Variants in PNKP observed in about 807,000 individuals in gnomAD.
The protein encoded by PNKP is bifunctional polynucleotide phosphatase/kinase.
PNKP carries 82 observed loss-of-function variants against 66.2 expected under a neutral mutation model. That is an observed-to-expected ratio of 1.24 (90% CI 1.04 to 1.49). The LOEUF is 1.49. Among genes scored for constraint, PNKP ranks in the 40% most tolerant of loss-of-function variants. The pLI, the probability that PNKP is intolerant of heterozygous loss-of-function variation, is 0.00. For synonymous variants in PNKP, 412 were observed against 298.9 expected (o/e 1.38, Z -3.90); for missense variants, 907 against 706.8 (o/e 1.28, Z -3.21).
chr19:49,865,601 CTTTTTTTTTTTT>C (rs749242089), intron 3 of PNKP, 175 bp from the exon 4 acceptor site: 31 of 318,506 alleles, frequency 9.7e-5, no homozygotes, highest in East Asian at 1.2e-4. Context: ...TTGTCCGAAT[CTTTTTTTTTTTT>C]TTTTTTTTTT....
In PNKP at chr19:49,863,771, G is replaced by C; in HGVS notation, c.745-11C>G. The C allele has an allele frequency of 6.4e-7, 1 of 1,556,422 alleles. No individual in the cohort carries two copies. The highest frequency in any genetic ancestry group is 8.7e-7 in the Non-Finnish European group (1 of 1,149,268). On this transcript the variant is annotated splice_polypyrimidine_tract_variant and intron_variant, in intron 7 of 16. Coordinates refer to ENST00000322344, the MANE Select transcript of PNKP (RefSeq NM_007254.4). ...CGTGGCCACCAGCACCTGTGGATGG[G>C]AGGGGGCCACCAGCTTTAGCTCCCC...
chr19:49,863,797 C>A (rs774146240), intron 7 of PNKP, 37 bp from the exon 8 acceptor site: 10 of 1,531,788 alleles, frequency 6.5e-6, no homozygotes, highest in Admixed American at 5.9e-5. Flanking sequence ...TTAGCTCCCC[C>A]TCAAGCACCT....
In PNKP at chr19:49,862,781, C is replaced by T; in HGVS notation, c.817-43G>A. On this transcript the variant is annotated intron_variant, in intron 8 of 16. Coordinates refer to ENST00000322344, the MANE Select transcript of PNKP (RefSeq NM_007254.4). ...GAGGAGGCCCTTCCCACAAATGTCCCCCCGCAGCGGTAGCGGGTCCCTGGG... is the reference window on the plus strand; with the variant it reads ...GAGGAGGCCCTTCCCACAAATGTCCTCCCGCAGCGGTAGCGGGTCCCTGGG... The T allele has an allele frequency of 1.9e-6, 3 of 1,609,526 alleles. No individual in the cohort carries two copies. In the South Asian group the frequency reaches 3.3e-5, roughly 18 times the overall value.
Position 49,865,358 on chromosome 19 carries a change from C to A in PNKP, c.267G>T (p.Val89=), listed in dbSNP as rs531640505. The A allele has an allele frequency of 6.2e-7, 1 of 1,613,666 alleles. No homozygotes were observed. Among genetic ancestry groups the A allele is most frequent in the East Asian group, 2.2e-5 (1 of 44,882 alleles). Residue 89 remains valine, a synonymous_variant, in exon 4 of 17, where the codon GTG becomes GTT. Transcript: ENST00000322344. The stretch of plus-strand genomic sequence containing the variant: ...CATTGACCAAATACAGTGTGTCCCC[C>A]ACCCCCAGAGAGCCCTCCAACCCCG... ...LKPGLEGSLG[V]GDTLYLVNGL...
chr19:49,863,712 TGCCC>T lies in PNKP; in HGVS notation c.789_792del (p.Gly264CysfsTer97). 1 of 1,556,958 alleles carries T rather than the reference TGCCC, an allele frequency of 6.4e-7. No homozygotes were observed. Among genetic ancestry groups the T allele is most frequent in the South Asian group, 1.2e-5 (1 of 84,602 alleles). On this transcript the variant is annotated frameshift_variant, in exon 8 of 17. Transcript: ENST00000322344. LOFTEE classifies it high-confidence loss of function. ...ACCTGCTCCTGCAGATGGTCCCACATGCCCGTCACCGGCTTCCGGTACAAGCCTG... is the reference window on the plus strand; with the variant it reads ...ACCTGCTCCTGCAGATGGTCCCACATGTCACCGGCTTCCGGTACAAGCCTG...
intron 8 of PNKP, among the ~76,000 whole-genome samples, chr19:49,863,306 G>A (rs1235254950): frequency 2.0e-5 from 3 of 152,128 alleles, no homozygotes; most frequent in Admixed American, 1.3e-4. Flanking sequence ...GGTGATGCCT[G>A]CTTTCTCCAG....
At chr19:49,862,826 G>A (rs1459243042) in intron 8 of PNKP, 88 bp from the exon 9 acceptor site, 2 of 1,383,732 alleles carry the variant, frequency 1.4e-6, no homozygotes, top group Non-Finnish European at 2.0e-6. Flanking sequence ...CCTGGTCTGT[G>A]CCCCACATCA....
chr19:49,863,606 G>T lies in PNKP; in HGVS notation c.816+83C>A, dbSNP rs2122332797. The stretch of plus-strand genomic sequence containing the variant: ...CGAGAGAGGACAGAGGAGTAAGGAG[G>T]CCCCAACCGGAGGCCGGGGAGCCCA... On this transcript the variant is annotated intron_variant, in intron 8 of 16. Transcript: ENST00000322344. 7.2e-6 allele frequency: 7 copies of T among 968,802 alleles called. No homozygotes were observed. In the South Asian group the frequency reaches 8.3e-5, roughly 11 times the overall value. 60.0% of individuals were successfully genotyped at this position (968,802 alleles called of 1,614,324 possible).
At chr19:49,865,836 AC>A (rs1390327442) in intron 3 of PNKP, 2 of 214,382 alleles carry the variant, frequency 9.3e-6, no homozygotes, top group Middle Eastern at 3.9e-3. Flanking sequence ...CTGGTCACAA[AC>A]TCCTGATCTC....
chr19:49,863,730 G>T lies in PNKP; in HGVS notation c.775C>A (p.Arg259=), dbSNP rs368301643. The change falls in exon 8 of 17, where the codon CGG becomes AGG. Residue 259 remains arginine (R), a synonymous_variant. Transcript: ENST00000322344. ...VLVATHAGLY[R]KPVTGMWDHL... ...TCCCACATGCCCGTCACCGGCTTCCGGTACAAGCCTGCGTGCGTGGCCACC... is the reference window on the plus strand; with the variant it reads ...TCCCACATGCCCGTCACCGGCTTCCTGTACAAGCCTGCGTGCGTGGCCACC... 1 of 1,559,544 alleles carries T rather than the reference G, an allele frequency of 6.4e-7. No homozygotes were observed. Among genetic ancestry groups the T allele is most frequent in the Non-Finnish European group, 8.7e-7 (1 of 1,151,196 alleles).
In PNKP at chr19:49,865,625, T is replaced by A; in HGVS notation, c.199-199A>T. On this transcript the variant is annotated intron_variant, in intron 3 of 16. Coordinates refer to ENST00000322344, the MANE Select transcript of PNKP (RefSeq NM_007254.4). ...TCTTTTTTTTTTTTTTTTTTTTTTTTCCCCTGGAGATATAGGCTTGTTTTG... is the reference window on the plus strand; with the variant it reads ...TCTTTTTTTTTTTTTTTTTTTTTTTACCCCTGGAGATATAGGCTTGTTTTG... The A allele has an allele frequency of 2.8e-5, 5 of 180,200 alleles. No individual in the cohort carries two copies. The South Asian group carries it at 5.4e-4, about 20-fold the overall frequency. The allele number at this position is 180,200 out of a possible 1,614,324, so 11.2% of individuals were successfully genotyped here. A position where few individuals can be genotyped will look rare whatever the true frequency, so the allele number is the denominator to read the frequency against.
At position 49,864,069 on chromosome 19, in the gene PNKP, C is replaced by A. The variant is rs1041380358; in HGVS notation, c.639G>T (p.Leu213=). ...TGCTCATCTGGTTGGTGAAGATCAC[C>A]AGCTGGGGAGCAAAGGGTGTCACCA... ...LRELEAEGYK[L]VIFTNQMSIG... Residue 213 remains leucine, a splice_region_variant and synonymous_variant, in exon 7 of 17, where the codon CTG becomes CTT. Transcript: ENST00000322344. 3.1e-6 allele frequency: 5 copies of A among 1,613,862 alleles called. No homozygotes were observed. The Admixed American group carries it at 6.7e-5, about 22-fold the overall frequency.
rs766704284 is a variant in PNKP at position 49,863,717 on chromosome 19, G to A, written c.788C>T (p.Thr263Met). ...THAGLYRKPV[T>M]GMWDHLQEQA... ...CTCCTGCAGATGGTCCCACATGCCCGTCACCGGCTTCCGGTACAAGCCTGC... is the reference window on the plus strand; with the variant it reads ...CTCCTGCAGATGGTCCCACATGCCCATCACCGGCTTCCGGTACAAGCCTGC... The change falls in exon 8 of 17, where the codon ACG becomes ATG. Residue 263 changes from threonine to methionine, a missense_variant. By Grantham distance (81) the Thr-to-Met change is moderately conservative. Coordinates refer to ENST00000322344, the MANE Select transcript of PNKP (RefSeq NM_007254.4). 29 of 1,557,582 alleles carry A rather than the reference G, an allele frequency of 1.9e-5. No individual in the cohort carries two copies. The highest frequency in any genetic ancestry group is 7.2e-5 in the East Asian group (3 of 41,792).
chr19:49,865,071 CGT>C (rs2074807911), intron 4 of PNKP, 54 bp downstream of exon 4: 7 of 1,497,770 alleles, frequency 4.7e-6, no homozygotes, highest in Non-Finnish European at 6.5e-6. Flanking sequence ...ACGCAACAAA[CGT>C]GGGATTGGGT....
chr19:49,862,522 G>C lies in PNKP; in HGVS notation c.936+16C>G, dbSNP rs369723968. 1.0e-4 allele frequency: 167 copies of C among 1,606,286 alleles called. No homozygotes were observed. The African/African-American group carries it at 1.9e-3, about 18-fold the overall frequency. ...AGGGTCGGGCTCGGGCGCGGGGCAGGGGGCAGGGGCCTCACCAGGCGATCG... is the reference window on the plus strand; with the variant it reads ...AGGGTCGGGCTCGGGCGCGGGGCAGCGGGCAGGGGCCTCACCAGGCGATCG... On this transcript the variant is annotated intron_variant, in intron 10 of 16. Coordinates refer to ENST00000322344, the MANE Select transcript of PNKP (RefSeq NM_007254.4).
intron 8 of PNKP, 194 bp from the exon 9 acceptor site, chr19:49,862,932 C>A: frequency 1.5e-6 from 1 of 688,502 alleles, no homozygotes; most frequent in Non-Finnish European, 2.6e-6. Context: ...CACACAGCCC[C>A]CTCCCTCCAG....
intron 3 of PNKP, chr19:49,865,938 G>T: frequency 3.7e-6 from 1 of 271,102 alleles, no homozygotes; most frequent in Non-Finnish European, 7.2e-6. Context: ...TAAGGTCTTG[G>T]ACAGGTACCC....
At chr19:49,866,780 A>C (rs2074823760) in intron 2 of PNKP, 2 of 595,198 alleles carry the variant, frequency 3.4e-6, no homozygotes, top group Non-Finnish European at 6.0e-6. Flanking sequence ...TTTTCTCTTG[A>C]CGAAGGTCGT....
Position 49,861,257 on chromosome 19 carries a change from G to A in PNKP, c.1557C>T (p.Ser519=), listed in dbSNP as rs142180374. ...PRLGRLYCQF[S]EG ...GGGAGCTGGGCGGGGCTCAGCCCTC[G>A]GAGAACTGGCAGTACAGCCGCCCCA... Residue 519 remains serine, a synonymous_variant, in exon 17 of 17, where the codon TCC becomes TCT. Transcript: ENST00000322344. 837 of 1,601,890 alleles carry A rather than the reference G, an allele frequency of 5.2e-4. 2 individuals are homozygous for A. The East Asian group carries it at 0.015, about 29-fold the overall frequency.
Sources: allele counts gnomAD v4.1 joint callset (sites outside exome capture counted in the v4.1 genomes callset), GRCh38; gene constraint gnomAD v4.1.1; transcripts MANE v1.5; gene names NCBI Gene and HGNC (gene_info 2026-07-23, HGNC 2026-07-21).